PDE4D: variants seen among roughly 807,000 people sequenced by gnomAD.
The protein encoded by PDE4D is phosphodiesterase 4D.
A neutral mutation model predicts 87.4 loss-of-function variants in PDE4D; 24 were observed. The observed-to-expected ratio is 0.27, with a 90% CI of 0.20 to 0.39. The LOEUF is 0.39. Ranked by LOEUF, PDE4D falls within the 10% of genes least tolerant of loss-of-function variation. The pLI is 1.00. For missense variants in PDE4D, 714 were observed against 1,041.0 expected (o/e 0.69, Z 4.32); for synonymous variants, 384 against 383.2 (o/e 1.00, Z -0.02).
intron 3 of PDE4D, among the ~76,000 whole-genome samples, chr5:59,953,771 T>G (rs1412231012): frequency 1.3e-5 from 2 of 152,230 alleles, no homozygotes; most frequent in African/African-American, 4.8e-5. Context: ...CTCTCCCATT[T>G]GCTTTACCCA....
In PDE4D at chr5:59,435,858, C is replaced by T. The variant is rs184073295; in HGVS notation, c.456-219890G>A. 5.8e-4 allele frequency among the ~76,000 whole-genome samples: 88 copies of T among 152,300 alleles called. 2 individuals carry two copies. The highest frequency in any genetic ancestry group is 5.8e-4 in the East Asian group (3 of 5,188). On this transcript the variant is annotated intron_variant, in intron 1 of 14. Transcript: ENST00000340635. ...CATTGGAAGTAGTGGAGCTATTCAT[C>T]ATATGCAATCAAACAGAAATACTTT...
chr5:60,071,838 A>G (rs1215884978), intron 2 of PDE4D, among the ~76,000 whole-genome samples: 1 of 152,164 alleles, frequency 6.6e-6, no homozygotes, highest in Non-Finnish European at 1.5e-5. Context: ...TGTTCCCGCA[A>G]AGGACACGAT....
At chr5:60,198,126 C>A (rs1199670207) in intron 1 of PDE4D, among the ~76,000 whole-genome samples, 2 of 150,084 alleles carry the variant, frequency 1.3e-5, no homozygotes, top group African/African-American at 4.9e-5. Flanking sequence ...AAATCAAGAT[C>A]TAGTACAGCA....
chr5:59,922,792 T>C (rs1754812371), intron 3 of PDE4D, among the ~76,000 whole-genome samples: 1 of 151,852 alleles, frequency 6.6e-6, no homozygotes. Flanking sequence ...GTAGTAGTTA[T>C]GGGAAAAGAC....
chr5:60,493,737 T>A (rs1439713511), intron 1 of PDE4D, among the ~76,000 whole-genome samples: 1 of 152,156 alleles, frequency 6.6e-6, no homozygotes, highest in East Asian at 1.9e-4. Flanking sequence ...CACAGAGCCA[T>A]GTTTCTGCAA....
chr5:59,110,441 C>T (rs770491001), intron 5 of PDE4D, among the ~76,000 whole-genome samples: 7 of 152,246 alleles, frequency 4.6e-5, no homozygotes, highest in Non-Finnish European at 7.3e-5. Context: ...TACAAGGTAG[C>T]AGCTCCAGCA....
chr5:59,371,502 T>A (rs1036150588), intron 1 of PDE4D, among the ~76,000 whole-genome samples: 1 of 152,184 alleles, frequency 6.6e-6, no homozygotes, highest in Admixed American at 6.5e-5. Context: ...TTAAACTTAG[T>A]TTGAAGACTA....
upstream of PDE4D, chr5:60,491,304 T>C (rs1031184497): frequency 2.0e-5 from 3 of 152,230 alleles, no homozygotes; most frequent in African/African-American, 2.4e-5. Flanking sequence ...ATAAAGTTCA[T>C]GTTCTTGGTT....
intron 5 of PDE4D, among the ~76,000 whole-genome samples, chr5:59,044,441 C>T (rs1417391618): frequency 6.6e-6 from 1 of 152,154 alleles, no homozygotes; most frequent in Non-Finnish European, 1.5e-5. Flanking sequence ...CCCCTTTGTT[C>T]TACGGAAGGA....
intron 1 of PDE4D, among the ~76,000 whole-genome samples, chr5:59,307,851 C>T (rs1330120595): frequency 1.3e-5 from 2 of 152,024 alleles, no homozygotes; most frequent in African/African-American, 4.8e-5. Context: ...CCCAGCCATC[C>T]CATTACCGGG....
intron 5 of PDE4D, among the ~76,000 whole-genome samples, chr5:59,106,624 G>C (rs1202614825): frequency 2.0e-5 from 3 of 152,176 alleles, no homozygotes; most frequent in Non-Finnish European, 4.4e-5. Flanking sequence ...GCCGGGCGTG[G>C]TGGCGCATGA....
Position 59,261,885 on chromosome 5 carries a change from A to G in PDE4D, c.456-45917T>C, listed in dbSNP as rs576723637. 3.3e-5 allele frequency among the ~76,000 whole-genome samples: 5 copies of G among 152,054 alleles called. No homozygotes were observed. In the South Asian group the frequency reaches 1.0e-3, roughly 32 times the overall value. ...TCTTATTAAAATGGCATGGATTTCC[A>G]GGCCAGTAAGAAAAGAAAATATCTC... On this transcript the variant is annotated intron_variant, in intron 1 of 14. Coordinates refer to ENST00000340635, the MANE Select transcript of PDE4D (RefSeq NM_001104631.2).
intron 2 of PDE4D, among the ~76,000 whole-genome samples, chr5:60,098,411 T>C (rs996874251): frequency 6.6e-6 from 1 of 151,946 alleles, no homozygotes; most frequent in African/African-American, 2.4e-5. Context: ...TTCTAATACA[T>C]AGACATAAAA....
intron 1 of PDE4D, among the ~76,000 whole-genome samples, chr5:59,647,671 T>C (rs1232144629): frequency 1.3e-5 from 2 of 152,272 alleles, no homozygotes; most frequent in South Asian, 2.1e-4. Context: ...AAGTTTTTGA[T>C]ACTTCCAACT....
chr5:60,151,156 G>A (rs986634576), intron 2 of PDE4D, among the ~76,000 whole-genome samples: 2 of 152,130 alleles, frequency 1.3e-5, no homozygotes, highest in African/African-American at 4.8e-5. Flanking sequence ...ATCTCAATGT[G>A]ATAAGTGTAC....
chr5:60,402,449 AG>A (rs1383945612), intron 1 of PDE4D, among the ~76,000 whole-genome samples: 1 of 152,098 alleles, frequency 6.6e-6, no homozygotes, highest in Non-Finnish European at 1.5e-5. Flanking sequence ...GGCATGTGGG[AG>A]GTGTTCAGTA....
chr5:60,393,796 T>C, intron 1 of PDE4D, among the ~76,000 whole-genome samples: 1 of 152,218 alleles, frequency 6.6e-6, no homozygotes, highest in Non-Finnish European at 1.5e-5. Context: ...TTGGTGATAA[T>C]GAATGGCTAG....
At chr5:59,525,931 G>A (rs193265361) in intron 1 of PDE4D, among the ~76,000 whole-genome samples, 2 of 152,258 alleles carry the variant, frequency 1.3e-5, no homozygotes, top group East Asian at 1.9e-4. Flanking sequence ...AGAACTGTGA[G>A]TCAATGAAAC....
Position 60,094,192 on chromosome 5 carries a change from T to C in PDE4D, c.42+91365A>G, listed in dbSNP as rs189618014. ...TTTCCCTCTTTCCTGAGTCTCAAAG[T>C]GCACATCACTGAATTCATGAGAAAT... On this transcript the variant is annotated intron_variant, in intron 2 of 16. Coordinates refer to the PDE4D transcript ENST00000502484. Among the ~76,000 whole-genome samples, 14 of 152,278 alleles carry C rather than the reference T, an allele frequency of 9.2e-5. No homozygotes were observed. In the East Asian group the frequency reaches 1.9e-3, roughly 21 times the overall value.
Sources: allele counts gnomAD v4.1 joint callset (sites outside exome capture counted in the v4.1 genomes callset), GRCh38; gene constraint gnomAD v4.1.1; transcripts MANE v1.5; gene names NCBI Gene and HGNC (gene_info 2026-07-23, HGNC 2026-07-21).